Variants in OR2L13 observed in about 807,000 individuals in gnomAD.
OR2L13 encodes the protein olfactory receptor 2L13.
A neutral mutation model predicts 15.3 loss-of-function variants in OR2L13; 14 were observed. The observed-to-expected ratio is 0.91, with a 90% CI of 0.60 to 1.43. The LOEUF (loss-of-function observed/expected upper bound fraction) is 1.43, where lower values mean the gene tolerates loss of function less well. OR2L13 is among the 40% of genes most tolerant of loss of function. OR2L13 has a pLI of 0.00. For missense variants in OR2L13, 367 were observed against 387.9 expected (o/e 0.95, Z 0.45); for synonymous variants, 152 against 142.9 (o/e 1.06, Z -0.45).
At chr1:247,963,454 C>A in the OR2L13 span, among the ~76,000 whole-genome samples, 1 of 152,146 alleles carries the variant, frequency 6.6e-6, no homozygotes, top group African/African-American at 2.4e-5. Context: ...TTTACCACAT[C>A]CTGTTTTATC....
chr1:247,965,665 T>C, the OR2L13 span: 2 of 1,546,648 alleles, frequency 1.3e-6, no homozygotes, highest in South Asian at 2.6e-5. Context: ...ATTTTTGGGC[T>C]GTGAGATTCA....
the OR2L13 span, among the ~76,000 whole-genome samples, chr1:248,001,348 G>A: frequency 6.6e-6 from 1 of 151,692 alleles, no homozygotes; most frequent in Non-Finnish European, 1.5e-5. Flanking sequence ...TCAGGTTTAA[G>A]GTTTGTGGGT....
the OR2L13 span, among the ~76,000 whole-genome samples, chr1:247,992,860 A>G: frequency 6.8e-6 from 1 of 148,112 alleles, no homozygotes; most frequent in Admixed American, 6.6e-5. Context: ...ACTTTTTGGT[A>G]GAATGATTTT....
At chr1:247,981,940 C>T in the OR2L13 span, among the ~76,000 whole-genome samples, 7 of 151,814 alleles carry the variant, frequency 4.6e-5, no homozygotes, top group South Asian at 2.1e-4. Flanking sequence ...CTCAGCCTCC[C>T]GAGTAGCTGG....
the OR2L13 span, among the ~76,000 whole-genome samples, chr1:247,942,922 C>G: frequency 6.6e-6 from 1 of 152,266 alleles, no homozygotes; most frequent in African/African-American, 2.4e-5. Flanking sequence ...TCCACTTCCT[C>G]TCTCTATGAA....
At chr1:248,040,943 T>C in the OR2L13 span, 1 of 152,212 alleles carries the variant, frequency 6.6e-6, no homozygotes, top group African/African-American at 2.4e-5. Context: ...ATTTAGAGTT[T>C]ACTAGAGTAC....
chr1:247,960,993 AG>A, the OR2L13 span, among the ~76,000 whole-genome samples: 1 of 152,140 alleles, frequency 6.6e-6, no homozygotes, highest in Non-Finnish European at 1.5e-5. Flanking sequence ...CCGGTACCTC[AG>A]TTGGAAATGC....
the OR2L13 span, among the ~76,000 whole-genome samples, chr1:247,959,356 C>T: frequency 6.6e-6 from 1 of 152,162 alleles, no homozygotes; most frequent in Non-Finnish European, 1.5e-5. Context: ...CTAGACTTTT[C>T]TTTCTGGCTG....
the OR2L13 span, chr1:248,021,969 T>C: frequency 6.2e-7 from 1 of 1,613,312 alleles, no homozygotes; most frequent in Non-Finnish European, 8.5e-7. Context: ...CAATCAAACG[T>C]CAACTGATTT....
chr1:247,939,662 A>T, the OR2L13 span: 1 of 152,212 alleles, frequency 6.6e-6, no homozygotes, highest in African/African-American at 2.4e-5. Context: ...CTATTTCCAC[A>T]TTCAATGTCT....
At chr1:247,940,519 A>G in the OR2L13 span, among the ~76,000 whole-genome samples, 3 of 152,170 alleles carry the variant, frequency 2.0e-5, no homozygotes, top group African/African-American at 7.2e-5. Flanking sequence ...TTTGCCTTCT[A>G]TAATTGGAAA....
At chr1:248,099,229 A>C (rs939800292) in intron 2 of OR2L13, 129 bp from the exon 3 acceptor site, 18 of 615,732 alleles carry the variant, frequency 2.9e-5, no homozygotes, top group South Asian at 1.2e-4. Context: ...ATTAAAAAAA[A>C]CCTGCAGTGT....
At chr1:247,977,881 A>G in the OR2L13 span, among the ~76,000 whole-genome samples, 1 of 152,096 alleles carries the variant, frequency 6.6e-6, no homozygotes, top group South Asian at 2.1e-4. Context: ...CTCGCTGTCT[A>G]GTGACTCCAT....
the OR2L13 span, among the ~76,000 whole-genome samples, chr1:247,998,678 TAAAAG>T: frequency 6.6e-6 from 1 of 152,152 alleles, no homozygotes; most frequent in Non-Finnish European, 1.5e-5. Flanking sequence ...TACATTTTCT[TAAAAG>T]AAGGACCTTC....
the OR2L13 span, among the ~76,000 whole-genome samples, chr1:248,077,483 T>C: frequency 6.6e-6 from 1 of 152,230 alleles, no homozygotes; most frequent in Non-Finnish European, 1.5e-5. Flanking sequence ...GGACTTTTTT[T>C]GGTGTAGGCT....
the OR2L13 span, chr1:247,990,197 A>C: frequency 3.3e-6 from 2 of 607,244 alleles, no homozygotes; most frequent in Non-Finnish European, 6.0e-6. Context: ...CATCCCCTGC[A>C]GATAAGGGGG....
the OR2L13 span, among the ~76,000 whole-genome samples, chr1:248,020,710 A>G: frequency 6.6e-6 from 1 of 152,148 alleles, no homozygotes; most frequent in Non-Finnish European, 1.5e-5. Flanking sequence ...TTTTAGATAG[A>G]AGAACCAAAT....
chr1:248,004,261 C>T, the OR2L13 span, among the ~76,000 whole-genome samples: 1 of 152,090 alleles, frequency 6.6e-6, no homozygotes, highest in Admixed American at 6.6e-5. Flanking sequence ...TTCTTCATGG[C>T]ATTTATCCCA....
upstream of OR2L13, among the ~76,000 whole-genome samples, chr1:248,095,623 T>TTTTC (rs1037934922): frequency 1.5e-5 from 2 of 130,468 alleles, no homozygotes; most frequent in African/African-American, 2.8e-5. Context: ...TTTTTTTTTT[T>TTTTC]TGAGATGGAG....
Sources: allele counts gnomAD v4.1 joint callset (sites outside exome capture counted in the v4.1 genomes callset), GRCh38; gene constraint gnomAD v4.1.1; transcripts MANE v1.5; gene names NCBI Gene and HGNC (gene_info 2026-07-23, HGNC 2026-07-21).